The following GRID2 variants were observed in gnomAD, a reference collection of about 807,000 sequenced individuals.
GRID2 encodes the protein glutamate ionotropic receptor delta type subunit 2.
A neutral mutation model predicts 114.8 loss-of-function variants in GRID2; 33 were observed. The ratio of observed to expected loss-of-function variants is 0.29; its 90% CI spans 0.22 to 0.38. GRID2 has a LOEUF of 0.38. Among genes scored for constraint, GRID2 ranks in the 10% least tolerant of loss-of-function variants. GRID2 has a pLI of 1.00. For missense variants in GRID2, 1,184 were observed against 1,257.7 expected (o/e 0.94, Z 0.89); for synonymous variants, 505 against 449.9 (o/e 1.12, Z -1.55).
At chr4:92,441,881 C>T (rs926367451) in intron 1 of GRID2, among the ~76,000 whole-genome samples, 32 of 151,952 alleles carry the variant, frequency 2.1e-4, no homozygotes, top group African/African-American at 6.0e-4. Flanking sequence ...CAATGAGATA[C>T]AGCTGTAGTC....
intron 8 of GRID2, among the ~76,000 whole-genome samples, chr4:93,251,717 C>T (rs969299838): frequency 2.6e-5 from 4 of 152,112 alleles, no homozygotes; most frequent in East Asian, 1.9e-4. Flanking sequence ...TATGAATACA[C>T]GTGGTTCTCA....
At chr4:92,933,209 A>G (rs1441476392) in intron 2 of GRID2, among the ~76,000 whole-genome samples, 5 of 150,864 alleles carry the variant, frequency 3.3e-5, no homozygotes, top group Non-Finnish European at 7.4e-5. Context: ...TCTTAATCGG[A>G]TTACTGTGGA....
At chr4:92,936,579 A>T (rs1483734827) in intron 2 of GRID2, among the ~76,000 whole-genome samples, 1 of 145,882 alleles carries the variant, frequency 6.9e-6, no homozygotes, top group Non-Finnish European at 1.5e-5. Flanking sequence ...TTGCTTTGAG[A>T]TAATTACTTC....
At chr4:92,533,807 C>T (rs1293180226) in intron 1 of GRID2, among the ~76,000 whole-genome samples, 2 of 152,028 alleles carry the variant, frequency 1.3e-5, no homozygotes, top group Admixed American at 6.6e-5. Context: ...GTACTTTGTC[C>T]TTGACAAACT....
chr4:93,781,044 G>A (rs1297211191), intron 1 of GRID2, among the ~76,000 whole-genome samples: 2 of 152,180 alleles, frequency 1.3e-5, no homozygotes, highest in Non-Finnish European at 2.9e-5. Flanking sequence ...AGTCAAAGAT[G>A]ATCGATTTCT....
intron 8 of GRID2, among the ~76,000 whole-genome samples, chr4:93,326,709 C>A (rs752983445): frequency 1.1e-4 from 17 of 151,994 alleles, no homozygotes; most frequent in African/African-American, 2.2e-4. Context: ...CTTTTGATCC[C>A]AGCTATTTTC....
chr4:92,537,783 C>T (rs562455291), intron 1 of GRID2, among the ~76,000 whole-genome samples: 113 of 79,462 alleles, frequency 1.4e-3, no homozygotes, highest in African/African-American at 3.6e-3. Context: ...CAAAAACTTG[C>T]GGTGTGTGTG....
intron 2 of GRID2, among the ~76,000 whole-genome samples, chr4:92,663,859 C>T (rs1025682969): frequency 3.9e-4 from 59 of 151,212 alleles, no homozygotes; most frequent in African/African-American, 3.9e-4. Flanking sequence ...ATTTTGGCTA[C>T]GCTGAGTACC....
chr4:93,627,842 G>C (rs112893429), intron 14 of GRID2, among the ~76,000 whole-genome samples: 131 of 152,192 alleles, frequency 8.6e-4, no homozygotes, highest in African/African-American at 2.7e-3. Context: ...CAATAGAGTG[G>C]GTAAATGTAC....
intron 12 of GRID2, among the ~76,000 whole-genome samples, chr4:93,506,751 T>A (rs1239281897): frequency 1.3e-5 from 2 of 152,152 alleles, no homozygotes; most frequent in Non-Finnish European, 2.9e-5. Context: ...TTTGAAAAGT[T>A]CTCTCCATTT....
chr4:93,189,962 C>T (rs973220470), intron 4 of GRID2, among the ~76,000 whole-genome samples: 1 of 152,076 alleles, frequency 6.6e-6, no homozygotes, highest in Non-Finnish European at 1.5e-5. Context: ...GAGAATGACA[C>T]CAGTATTGGT....
intron 1 of GRID2, among the ~76,000 whole-genome samples, chr4:92,345,892 C>T (rs943079677): frequency 8.5e-5 from 13 of 152,170 alleles, no homozygotes; most frequent in Non-Finnish European, 2.9e-5. Context: ...CATATTCAAT[C>T]ATCAATCTTT....
chr4:93,703,089 A>G (rs1727651669), intron 14 of GRID2, among the ~76,000 whole-genome samples: 2 of 152,182 alleles, frequency 1.3e-5, no homozygotes, highest in East Asian at 1.9e-4. Flanking sequence ...AGATAAATGA[A>G]GGTAAAAATT....
At chr4:93,648,262 A>G (rs1473544509) in intron 14 of GRID2, among the ~76,000 whole-genome samples, 2 of 152,200 alleles carry the variant, frequency 1.3e-5, no homozygotes, top group African/African-American at 4.8e-5. Context: ...TATGAGACAG[A>G]AGGTTGGGTA....
intron 8 of GRID2, among the ~76,000 whole-genome samples, chr4:93,381,734 T>A (rs1022434858): frequency 1.3e-5 from 2 of 152,100 alleles, no homozygotes; most frequent in African/African-American, 4.8e-5. Flanking sequence ...ACATTGCAGG[T>A]CCAAAAACAA....
intron 1 of GRID2, among the ~76,000 whole-genome samples, chr4:92,489,951 G>A (rs563384534): frequency 2.0e-5 from 3 of 151,962 alleles, no homozygotes; most frequent in Non-Finnish European, 4.4e-5. Flanking sequence ...CATTTTTGGA[G>A]CTACTTCTTT....
intron 8 of GRID2, among the ~76,000 whole-genome samples, chr4:93,253,217 C>T (rs964543072): frequency 1.3e-5 from 2 of 152,092 alleles, no homozygotes; most frequent in South Asian, 4.2e-4. Context: ...GATAGCGCCA[C>T]TGCACTCCAA....
downstream of GRID2, among the ~76,000 whole-genome samples, chr4:93,779,307 C>A (rs1734433685): frequency 6.6e-6 from 1 of 151,678 alleles, no homozygotes; most frequent in African/African-American, 2.4e-5. Context: ...TCAATCAGTC[C>A]ACCAACAAAT....
chr4:92,358,158 G>GGTTC (rs199676143), intron 1 of GRID2, among the ~76,000 whole-genome samples: 1 of 151,882 alleles, frequency 6.6e-6, no homozygotes, highest in Admixed American at 6.6e-5. Context: ...GGAAGGCTAA[G>GGTTC]CAGTCTGTCT....
Sources: allele counts gnomAD v4.1 joint callset (sites outside exome capture counted in the v4.1 genomes callset), GRCh38; gene constraint gnomAD v4.1.1; transcripts MANE v1.5; gene names NCBI Gene and HGNC (gene_info 2026-07-23, HGNC 2026-07-21).